Variants in PRKAG2 observed in about 807,000 individuals in gnomAD.
PRKAG2 encodes the protein 5'-AMP-activated protein kinase subunit gamma-2.
Under a neutral mutation model 69.6 loss-of-function variants are expected in PRKAG2, and 26 were observed. That is an observed-to-expected ratio of 0.37 (90% CI 0.27 to 0.52). PRKAG2 has a LOEUF of 0.52. Ranked by LOEUF, PRKAG2 falls within the 20% of genes least tolerant of loss-of-function variation. The pLI is 0.90. For synonymous variants in PRKAG2, 293 were observed against 285.0 expected (o/e 1.03, Z -0.28); for missense variants, 557 against 740.0 (o/e 0.75, Z 2.87).
At chr7:151,564,385 T>G (rs1012194495) in intron 13 of PRKAG2, 161 bp from the exon 14 acceptor site, 2 of 678,948 alleles carry the variant, frequency 2.9e-6, no homozygotes, top group Non-Finnish European at 5.1e-6. Flanking sequence ...CGACATGCCA[T>G]TGCTACTGTT....
chr7:151,579,191 A>AT (rs1170412068), intron 6 of PRKAG2, among the ~76,000 whole-genome samples: 1 of 151,752 alleles, frequency 6.6e-6, no homozygotes, highest in Non-Finnish European at 1.5e-5. Flanking sequence ...TGTCCAGATA[A>AT]TTTTTTTTCT....
intron 3 of PRKAG2, among the ~76,000 whole-genome samples, chr7:151,690,299 G>A (rs1330391710): frequency 1.3e-5 from 2 of 152,208 alleles, no homozygotes; most frequent in African/African-American, 4.8e-5. Flanking sequence ...ACCCCTGGTA[G>A]AGCTCGCTTC....
At chr7:151,782,238 G>T (rs2076710966) in intron 2 of PRKAG2, among the ~76,000 whole-genome samples, 1 of 151,572 alleles carries the variant, frequency 6.6e-6, no homozygotes, top group Non-Finnish European at 1.5e-5. Context: ...AGCCGAGATG[G>T]CGCCATTGCA....
chr7:151,672,374 C>T (rs1200944471), intron 4 of PRKAG2, among the ~76,000 whole-genome samples: 5 of 152,154 alleles, frequency 3.3e-5, no homozygotes, highest in African/African-American at 4.8e-5. Context: ...GGATTACAGG[C>T]GTGAGCCACT....
intron 1 of PRKAG2, among the ~76,000 whole-genome samples, chr7:151,804,053 T>A (rs1287851616): frequency 6.6e-6 from 1 of 152,204 alleles, no homozygotes; most frequent in Non-Finnish European, 1.5e-5. Context: ...GGAACCACTT[T>A]TAGTTGCGTA....
At chr7:151,848,477 T>C (rs2079489103) in intron 1 of PRKAG2, among the ~76,000 whole-genome samples, 1 of 147,780 alleles carries the variant, frequency 6.8e-6, no homozygotes, top group Non-Finnish European at 1.5e-5. Flanking sequence ...TATTTTGTTA[T>C]AGCAGTACAA....
chr7:151,741,985 T>C (rs1412266659), intron 3 of PRKAG2, among the ~76,000 whole-genome samples: 1 of 152,236 alleles, frequency 6.6e-6, no homozygotes, highest in African/African-American at 2.4e-5. Context: ...CTTACAGTTA[T>C]TATTTTATTT....
In PRKAG2 at chr7:151,863,110, C is replaced by G. The variant is rs1304391010; in HGVS notation, c.114+13397G>C. Among the ~76,000 whole-genome samples the G allele has an allele frequency of 3.4e-3, 296 of 88,176 alleles. No individual in the cohort carries two copies. In the Middle Eastern group the frequency reaches 0.051, roughly 15 times the overall value. The allele number at this position is 88,176 out of a possible 152,430, so 57.8% of individuals were successfully genotyped here. ...GCTGGTAGGTCCCCGGGTGCAGGGA[C>G]CACTGGTAGGTCCCCGGGTACAGGG... On this transcript the variant is annotated intron_variant, in intron 1 of 15. Coordinates refer to ENST00000287878, the MANE Select transcript of PRKAG2 (RefSeq NM_016203.4).
In PRKAG2 at chr7:151,675,615, C is replaced by A; in HGVS notation, c.489G>T (p.Pro163=). 6.2e-7 allele frequency: 1 copy of A among 1,613,764 alleles called. No individual in the cohort carries two copies. Among genetic ancestry groups the A allele is most frequent in the Non-Finnish European group, 8.5e-7 (1 of 1,179,732 alleles). ...GCTTGGTCACTTGGGTGGGTGTTGA[C>A]GGAGAGGAGGAGAGGCCGGAGGCTG... is the stretch of plus-strand genomic sequence containing the variant. ...SRKTSGLSSS[P]STPTQVTKQH... is the part of the protein sequence containing the mutation. The change falls in exon 4 of 16, where the codon CCG becomes CCT. Residue 163 remains proline, a synonymous_variant. Coordinates refer to ENST00000287878, the MANE Select transcript of PRKAG2 (RefSeq NM_016203.4).
At position 151,632,121 on chromosome 7, in the gene PRKAG2, G is replaced by GGCC. The variant is rs878855020; in HGVS notation, c.699_701dup (p.Ala234dup). ...GCATGCCGGCTTCCGCGGGTCCCAG[G>GGCC]GCCGCCGCCAGCGCCGCCTGAGGGG... is the stretch of plus-strand genomic sequence containing the variant. On this transcript the variant is annotated inframe_insertion, in exon 5 of 16. Transcript: ENST00000287878. The surrounding 1 kb of genome is among the most constrained non-coding windows in gnomAD (Gnocchi z 4.2). The GGCC allele has an allele frequency of 5.0e-6, 7 of 1,409,216 alleles. No individual in the cohort carries two copies. The Admixed American group carries it at 1.5e-4, about 30-fold the overall frequency. 87.3% of individuals were successfully genotyped at this position (1,409,216 alleles called of 1,614,324 possible).
rs1027151241 is a variant in PRKAG2, at chr7:151,756,373, G to A, written c.466+24779C>T. ...AAAGGTTTCCTGTCCTTGCAATGCT[G>A]GGAGGGACCCTAGATGGATTTGTGG... On this transcript the variant is annotated intron_variant, in intron 3 of 15. Transcript: ENST00000287878. This position sits in a 1 kb window ranked among gnomAD's most constrained non-coding sequence, Gnocchi z 4.9. Among the ~76,000 whole-genome samples the A allele has an allele frequency of 3.3e-5, 5 of 152,238 alleles. No homozygotes were observed. The highest frequency in any genetic ancestry group is 1.2e-4 in the African/African-American group (5 of 41,460).
chr7:151,602,921 G>A (rs111484639), intron 5 of PRKAG2, among the ~76,000 whole-genome samples: 1 of 152,336 alleles, frequency 6.6e-6, no homozygotes, highest in African/African-American at 2.4e-5. Flanking sequence ...AGCCATGATT[G>A]TAAGTTTCCT....
chr7:151,822,297 G>T (rs545732145), intron 1 of PRKAG2, among the ~76,000 whole-genome samples: 1 of 152,026 alleles, frequency 6.6e-6, no homozygotes, highest in South Asian at 2.1e-4. Context: ...GCAGGCCAGG[G>T]TCAAGGGCGG....
intron 1 of PRKAG2, among the ~76,000 whole-genome samples, chr7:151,865,436 T>C (rs147148525): frequency 1.3e-5 from 2 of 152,304 alleles, no homozygotes; most frequent in African/African-American, 2.4e-5. Flanking sequence ...CCCTATGTTT[T>C]TGGTGTTTTG....
intron 4 of PRKAG2, among the ~76,000 whole-genome samples, chr7:151,666,815 T>C (rs1420755195): frequency 1.3e-5 from 2 of 152,162 alleles, no homozygotes; most frequent in African/African-American, 4.8e-5. Flanking sequence ...ATATTAAATA[T>C]ATAATAAGAA....
chr7:151,598,116 C>T (rs1445963431), intron 5 of PRKAG2, among the ~76,000 whole-genome samples: 1 of 152,154 alleles, frequency 6.6e-6, no homozygotes, highest in Non-Finnish European at 1.5e-5. Context: ...CAATGGAGTA[C>T]TATTCAACCA....
chr7:151,636,248 A>G (rs1017629130), intron 4 of PRKAG2, among the ~76,000 whole-genome samples: 3 of 152,136 alleles, frequency 2.0e-5, no homozygotes, highest in Admixed American at 6.5e-5. Flanking sequence ...AGAATTGTGC[A>G]ACTATCTAAG....
At chr7:151,852,387 C>T (rs1274320369) in intron 1 of PRKAG2, among the ~76,000 whole-genome samples, 4 of 152,134 alleles carry the variant, frequency 2.6e-5, no homozygotes, top group Admixed American at 2.0e-4. Context: ...CCCAGATACT[C>T]GGGAGGCTGA....
At chr7:151,701,834 C>G (rs1253606705) in intron 3 of PRKAG2, among the ~76,000 whole-genome samples, 3 of 124,134 alleles carry the variant, frequency 2.4e-5, no homozygotes, top group Non-Finnish European at 4.5e-5. Context: ...CAGAGCGAGA[C>G]TCTGTCTCAA....
Sources: gnomAD v4.1 joint callset for allele counts (sites outside exome capture counted in the v4.1 genomes callset) on GRCh38, gnomAD v4.1.1 for gene constraint, Gnocchi (gnomAD v3.1) non-coding constraint, MANE v1.5 for transcripts, NCBI Gene and HGNC (gene_info 2026-07-23, HGNC 2026-07-21) for gene names.